Variants in TRDN observed in about 807,000 individuals in gnomAD.
TRDN encodes triadin in skeletal muscle.
A neutral mutation model predicts 149.7 loss-of-function variants in TRDN; 161 were observed. The ratio of observed to expected loss-of-function variants is 1.08; its 90% confidence interval spans 0.95 to 1.23. TRDN has a LOEUF of 1.23. Among genes scored for constraint, TRDN ranks in the 50% most tolerant of loss-of-function variants. The pLI is 0.00. For synonymous variants in TRDN, 294 were observed against 250.5 expected (o/e 1.17, Z -1.64); for missense variants, 896 against 823.5 (o/e 1.09, Z -1.08).
chr6:123,520,732 C>G (rs1779634574), intron 5 of TRDN, among the ~76,000 whole-genome samples: 1 of 152,072 alleles, frequency 6.6e-6, no homozygotes, highest in Non-Finnish European at 1.5e-5. Flanking sequence ...TCCCCTTCTC[C>G]TGGGGCTACA....
intron 23 of TRDN, among the ~76,000 whole-genome samples, chr6:123,318,587 T>C (rs1346918): frequency 0.18 from 27,775 of 152,008 alleles, 3,509 homozygotes; most frequent in East Asian, 0.63. Flanking sequence ...TTCTTAGAAA[T>C]GAATTCCCAC....
At chr6:123,456,531 G>A (rs1315643581) in intron 10 of TRDN, among the ~76,000 whole-genome samples, 1 of 151,172 alleles carries the variant, frequency 6.6e-6, no homozygotes, top group Admixed American at 6.6e-5. Context: ...TGCAGTCGTG[G>A]GATCTCGGCT....
At chr6:123,385,752 T>C (rs1481568956) in intron 14 of TRDN, among the ~76,000 whole-genome samples, 1 of 152,174 alleles carries the variant, frequency 6.6e-6, no homozygotes, top group African/African-American at 2.4e-5. Flanking sequence ...GAAGATAACC[T>C]GGAATTCCTA....
intron 14 of TRDN, among the ~76,000 whole-genome samples, chr6:123,386,022 G>A (rs1781894910): frequency 6.6e-6 from 1 of 152,076 alleles, no homozygotes; most frequent in Admixed American, 6.5e-5. Flanking sequence ...TTTATCTTGA[G>A]TCCTGAATAT....
intron 39 of TRDN, among the ~76,000 whole-genome samples, chr6:123,223,672 T>TCTTG (rs552763205): frequency 9.5e-6 from 1 of 105,718 alleles, no homozygotes; most frequent in Non-Finnish European, 2.0e-5. Flanking sequence ...GCCTTCCATT[T>TCTTG]CTTCCTTCCT....
chr6:123,291,002 C>T (rs930973696), intron 24 of TRDN, among the ~76,000 whole-genome samples: 1 of 151,670 alleles, frequency 6.6e-6, no homozygotes, highest in Non-Finnish European at 1.5e-5. Context: ...ATTAAAAATA[C>T]AAAAATTAGC....
intron 23 of TRDN, among the ~76,000 whole-genome samples, chr6:123,329,507 T>A (rs776228137): frequency 9.9e-5 from 15 of 152,064 alleles, no homozygotes; most frequent in Non-Finnish European, 2.1e-4. Flanking sequence ...TCCCCTTTAA[T>A]GAAAGAGAAA....
Position 123,596,775 on chromosome 6 carries a change from C to T in TRDN, c.23-25643G>A, listed in dbSNP as rs185432362. ...GAATGACAAATCCTGCATGACAGCACGTCTGTTTACTGAATATTTCGAGCC... is the reference window on the plus strand; with the variant it reads ...GAATGACAAATCCTGCATGACAGCATGTCTGTTTACTGAATATTTCGAGCC... On this transcript the variant is annotated intron_variant, in intron 1 of 40. Transcript: ENST00000334268. 1.9e-4 allele frequency among the ~76,000 whole-genome samples: 29 copies of T among 152,098 alleles called. No homozygotes were observed. In the East Asian group the frequency reaches 2.3e-3, roughly 12 times the overall value.
chr6:123,345,764 A>C (rs9401660), intron 21 of TRDN, among the ~76,000 whole-genome samples: 28,048 of 151,930 alleles, frequency 0.18, 3,532 homozygotes, highest in East Asian at 0.63. Flanking sequence ...GGTCTTATAC[A>C]TAATTTAAAA....
At chr6:123,341,991 A>G (rs1173417129) in intron 21 of TRDN, among the ~76,000 whole-genome samples, 1 of 151,956 alleles carries the variant, frequency 6.6e-6, no homozygotes. Flanking sequence ...TCTTGAAACA[A>G]TCTAAATAAC....
intron 1 of TRDN, among the ~76,000 whole-genome samples, chr6:123,600,444 G>A (rs1422724344): frequency 1.3e-5 from 2 of 151,074 alleles, no homozygotes; most frequent in Non-Finnish European, 2.9e-5. Flanking sequence ...GGTGTGTAAA[G>A]GGGAAAGATT....
intron 19 of TRDN, among the ~76,000 whole-genome samples, chr6:123,374,361 G>C (rs924625947): frequency 1.3e-5 from 2 of 151,988 alleles, no homozygotes; most frequent in Admixed American, 1.3e-4. Flanking sequence ...CTCTCCCAGT[G>C]CTACAAAATT....
intron 1 of TRDN, among the ~76,000 whole-genome samples, chr6:123,592,707 G>A (rs537099695): frequency 4.4e-4 from 67 of 152,126 alleles, no homozygotes; most frequent in Non-Finnish European, 8.2e-4. Context: ...CTGCATTAGT[G>A]TCAGCAAGCC....
intron 21 of TRDN, among the ~76,000 whole-genome samples, chr6:123,339,566 CT>C (rs1779994917): frequency 6.6e-6 from 1 of 152,138 alleles, no homozygotes; most frequent in Non-Finnish European, 1.5e-5. Context: ...GCAAAGCAAC[CT>C]ACAGTATTCC....
At chr6:123,296,990 G>T (rs1582835525) in intron 24 of TRDN, among the ~76,000 whole-genome samples, 1 of 152,048 alleles carries the variant, frequency 6.6e-6, no homozygotes, top group South Asian at 2.1e-4. Context: ...ATTATTTATG[G>T]TGTTTTTTAT....
intron 9 of TRDN, chr6:123,489,557 C>G (rs1238960853): frequency 1.3e-5 from 2 of 152,074 alleles, no homozygotes; most frequent in Non-Finnish European, 2.9e-5. Context: ...GAACAAAACC[C>G]ATTATATCTT....
At chr6:123,593,553 C>G (rs1301134867) in intron 1 of TRDN, among the ~76,000 whole-genome samples, 1 of 152,196 alleles carries the variant, frequency 6.6e-6, no homozygotes, top group Non-Finnish European at 1.5e-5. Context: ...TTTCTGAGGC[C>G]TGTGAGGGAA....
intron 24 of TRDN, among the ~76,000 whole-genome samples, chr6:123,310,158 G>C (rs1282632824): frequency 6.6e-6 from 1 of 151,908 alleles, no homozygotes; most frequent in Admixed American, 6.6e-5. Context: ...TGATTTTTTT[G>C]TAGTTCTTAT....
At chr6:123,510,792 T>C (rs979465030) in intron 7 of TRDN, among the ~76,000 whole-genome samples, 1 of 151,992 alleles carries the variant, frequency 6.6e-6, no homozygotes, top group Non-Finnish European at 1.5e-5. Flanking sequence ...TACAAGTGTG[T>C]GCCACCACAC....
Sources: gnomAD v4.1 joint callset for allele counts (sites outside exome capture counted in the v4.1 genomes callset) on GRCh38, gnomAD v4.1.1 for gene constraint, MANE v1.5 for transcripts, NCBI Gene and HGNC (gene_info 2026-07-23, HGNC 2026-07-21) for gene names.